Variants in ZNF609 observed in about 807,000 individuals in gnomAD.
ZNF609 encodes zinc finger protein 609.
Under a neutral mutation model 109.5 loss-of-function variants are expected in ZNF609, and 11 were observed. That is an observed-to-expected ratio of 0.10 (90% CI 0.06 to 0.17). The LOEUF is 0.17. Among genes scored for constraint, ZNF609 ranks in the 10% least tolerant of loss-of-function variants. The pLI is 1.00. For synonymous variants in ZNF609, 646 were observed against 662.0 expected (o/e 0.98, Z 0.37); for missense variants, 1,559 against 1,772.4 (o/e 0.88, Z 2.16).
At chr15:64,607,851 CTTT>C (rs1567027689) in intron 2 of ZNF609, among the ~76,000 whole-genome samples, 3,060 of 15,344 alleles carry the variant, frequency 0.2, 420 homozygotes, top group Non-Finnish European at 0.45. Flanking sequence ...TTCTTTCTTT[CTTT>C]CTTTCTTTCT....
intron 3 of ZNF609, among the ~76,000 whole-genome samples, chr15:64,658,276 C>T (rs937224601): frequency 2.0e-4 from 30 of 152,270 alleles, no homozygotes; most frequent in African/African-American, 7.0e-4. Flanking sequence ...CGGCTCACCG[C>T]AACCTCCGCC....
At chr15:64,533,576 G>A (rs1894093960) in intron 2 of ZNF609, among the ~76,000 whole-genome samples, 1 of 152,082 alleles carries the variant, frequency 6.6e-6, no homozygotes, top group African/African-American at 2.4e-5. Flanking sequence ...CCAAAATATT[G>A]TTGTCTCCTC....
At chr15:64,567,491 A>C (rs1225768185) in intron 2 of ZNF609, among the ~76,000 whole-genome samples, 1 of 152,038 alleles carries the variant, frequency 6.6e-6, no homozygotes, top group Non-Finnish European at 1.5e-5. Flanking sequence ...CAAAAAAAAA[A>C]CAAAAAACAT....
chr15:64,575,537 A>C (rs1390954269), intron 2 of ZNF609, among the ~76,000 whole-genome samples: 1 of 152,208 alleles, frequency 6.6e-6, no homozygotes, highest in Non-Finnish European at 1.5e-5. Context: ...GGGAATAACA[A>C]CCATGGAGGA....
At chr15:64,473,954 T>TA in intron 1 of ZNF609, among the ~76,000 whole-genome samples, 1 of 151,824 alleles carries the variant, frequency 6.6e-6, no homozygotes, top group East Asian at 2.0e-4. Context: ...TTTGTATTTT[T>TA]AGTAGAGATG....
At chr15:64,574,851 T>C (rs1238100448) in intron 2 of ZNF609, among the ~76,000 whole-genome samples, 1 of 152,152 alleles carries the variant, frequency 6.6e-6, no homozygotes, top group African/African-American at 2.4e-5. Context: ...ATCTTACTGC[T>C]AGGGATGGGT....
At chr15:64,544,876 T>C (rs1894329759) in intron 2 of ZNF609, among the ~76,000 whole-genome samples, 2 of 152,234 alleles carry the variant, frequency 1.3e-5, no homozygotes, top group African/African-American at 4.8e-5. Context: ...CTTTCTCCTC[T>C]GCTGTCAGAC....
intron 2 of ZNF609, among the ~76,000 whole-genome samples, chr15:64,615,469 T>C (rs951900969): frequency 2.6e-5 from 4 of 151,830 alleles, no homozygotes; most frequent in Non-Finnish European, 4.4e-5. Flanking sequence ...ACATAATGTT[T>C]AGTGTATTTG....
upstream of ZNF609, among the ~76,000 whole-genome samples, chr15:64,459,988 G>A (rs554530872): frequency 6.6e-6 from 1 of 152,248 alleles, no homozygotes; most frequent in Non-Finnish European, 1.5e-5. Flanking sequence ...AGGGGAAAAG[G>A]GATATATAGA....
chr15:64,472,036 G>A (rs1184121331), intron 1 of ZNF609, among the ~76,000 whole-genome samples: 1 of 151,898 alleles, frequency 6.6e-6, no homozygotes, highest in African/African-American at 2.4e-5. Flanking sequence ...TCAGCCTCCC[G>A]AGTAGCTGGT....
chr15:64,539,839 G>A (rs1894219945), intron 2 of ZNF609, among the ~76,000 whole-genome samples: 1 of 151,890 alleles, frequency 6.6e-6, no homozygotes, highest in African/African-American at 2.4e-5. Context: ...GTTTCGCCAT[G>A]TTGGCCAGGC....
chr15:64,627,518 A>C lies in ZNF609; in HGVS notation c.973+4466A>C, dbSNP rs184243784. ...ATAGTGGAAGGAGCACTGGAGTAAA[A>C]CTCTGGAGACTTCTATATCTCTGCC... On this transcript the variant is annotated intron_variant, in intron 3 of 9. Transcript: ENST00000326648. 7.4e-4 allele frequency among the ~76,000 whole-genome samples: 113 copies of C among 152,008 alleles called. 1 individual carries two copies. The East Asian group carries it at 0.021, about 28-fold the overall frequency.
rs185057471 is a variant in ZNF609 at position 64,477,684 on chromosome 15, A to G, written c.-128+16846A>G. 4.2e-3 allele frequency among the ~76,000 whole-genome samples: 618 copies of G among 147,472 alleles called. 2 individuals are homozygous for G. Among genetic ancestry groups the G allele is most frequent in the African/African-American group, 0.015 (583 of 39,760 alleles). ...CGCTCTGTCACCCAGGCTGGAGTGC[A>G]GTGGCGCGATCTCAGCTCACTGCAA... is the stretch of plus-strand genomic sequence containing the variant. On this transcript the variant is annotated intron_variant, in intron 1 of 9. Transcript: ENST00000326648.
intron 2 of ZNF609, among the ~76,000 whole-genome samples, chr15:64,602,935 C>T (rs1372282687): frequency 8.5e-5 from 8 of 93,976 alleles, no homozygotes; most frequent in Admixed American, 7.9e-4. Context: ...TTAGTAGAGA[C>T]GGGGTTTCAC....
At chr15:64,476,557 G>C (rs1468058789) in intron 1 of ZNF609, among the ~76,000 whole-genome samples, 5 of 152,152 alleles carry the variant, frequency 3.3e-5, no homozygotes, top group African/African-American at 1.2e-4. Flanking sequence ...CTTCTGCCCA[G>C]CAGAGAGAAA....
At chr15:64,670,740 T>C (rs1384804159) in intron 4 of ZNF609, among the ~76,000 whole-genome samples, 3 of 151,112 alleles carry the variant, frequency 2.0e-5, no homozygotes, top group African/African-American at 7.3e-5. Flanking sequence ...TAGCCAGGCA[T>C]GGTGGTGCAT....
intron 2 of ZNF609, among the ~76,000 whole-genome samples, chr15:64,546,018 A>G (rs1342246213): frequency 6.6e-6 from 1 of 152,242 alleles, no homozygotes; most frequent in Admixed American, 6.5e-5. Context: ...AGATAAATAC[A>G]TACACATGAA....
rs184820833 is a variant in ZNF609 at position 64,577,234 on chromosome 15, C to T, written c.748-45593C>T. Among the ~76,000 whole-genome samples, 21 of 7,908 alleles carry T rather than the reference C, an allele frequency of 2.7e-3. 8 individuals are homozygous for T. Among genetic ancestry groups the T allele is most frequent in the Non-Finnish European group, 0.012 (8 of 664 alleles). 5.2% of individuals were successfully genotyped at this position (7,908 alleles called of 152,430 possible). A position where few individuals can be genotyped will look rare whatever the true frequency, so the allele number is the denominator to read the frequency against. ...ATATGTATATATATACACACAAATA[C>T]ATACATATATATGTATATATATACA... On this transcript the variant is annotated intron_variant, in intron 2 of 9. Transcript: ENST00000326648.
chr15:64,587,171 T>G (rs975803061), intron 2 of ZNF609, among the ~76,000 whole-genome samples: 12 of 152,206 alleles, frequency 7.9e-5, no homozygotes, highest in Admixed American at 2.0e-4. Flanking sequence ...TTAGAGTATC[T>G]GAAGAAAATA....
Sources: gnomAD v4.1 joint callset for allele counts (sites outside exome capture counted in the v4.1 genomes callset) on GRCh38, gnomAD v4.1.1 for gene constraint, MANE v1.5 for transcripts, NCBI Gene and HGNC (gene_info 2026-07-23, HGNC 2026-07-21) for gene names.